Variants in MAP3K8 observed in about 807,000 individuals in gnomAD.
MAP3K8 encodes the protein Ewing sarcoma transformant.
In MAP3K8, 22 loss-of-function variants were observed where a neutral mutation model predicts 45.8. The observed-to-expected ratio is 0.48, with a 90% CI of 0.34 to 0.69. The LOEUF (loss-of-function observed/expected upper bound fraction) is 0.69. MAP3K8 is among the 30% of genes least tolerant of loss of function. MAP3K8 has a pLI of 0.01. For missense variants in MAP3K8, 419 were observed against 585.0 expected (o/e 0.72, Z 2.93); for synonymous variants, 223 against 214.3 (o/e 1.04, Z -0.36).
rs539739944 is a variant in MAP3K8 at position 30,448,653 on chromosome 10, G to A, written c.504+704G>A. Among the ~76,000 whole-genome samples the A allele has an allele frequency of 1.4e-3, 216 of 151,930 alleles. 1 individual carries two copies. Among genetic ancestry groups the A allele is most frequent in the African/African-American group, 4.2e-3 (175 of 41,412 alleles). ...TCACCATGTTGGCCAGGCTGGTCTC[G>A]AACTCCTGACTACAAGTGATCCACC... is the stretch of plus-strand genomic sequence containing the variant. On this transcript the variant is annotated intron_variant, in intron 4 of 8. Coordinates refer to ENST00000263056, the MANE Select transcript of MAP3K8 (RefSeq NM_005204.4).
intron 1 of MAP3K8, chr10:30,434,626 C>G (rs1036904872): frequency 4.1e-6 from 4 of 985,818 alleles, no homozygotes; most frequent in African/African-American, 3.5e-5. Flanking sequence ...TCCTCCTTCC[C>G]GTATCCGCAG....
rs1836546107 is a variant in MAP3K8 at position 30,451,728 on chromosome 10, A to G, written c.857A>G (p.Asp286Gly). The part of the protein sequence containing the change: ...QMTEDVYFPK[D>G]LRGTEIYMSP... ...ACCGAAGATGTCTATTTTCCTAAGG[A>G]CCTCCGAGGAACAGAGGTAATTATG... The change falls in exon 6 of 9, where the codon GAC becomes GGC. Residue 286 changes from aspartate to glycine, a missense_variant. By Grantham distance (94) the Asp-to-Gly change is moderately conservative (BLOSUM62 -1). This residue lies in a region of MAP3K8 where 209 missense variants were observed against 367.3 expected (regional missense o/e 0.57). Coordinates refer to ENST00000263056, the MANE Select transcript of MAP3K8 (RefSeq NM_005204.4). The G allele has an allele frequency of 1.3e-6, 2 of 1,572,938 alleles. No individual in the cohort carries two copies. The highest frequency in any genetic ancestry group is 1.7e-6 in the Non-Finnish European group (2 of 1,152,190).
chr10:30,454,989 G>A (rs1249346797), intron 6 of MAP3K8, among the ~76,000 whole-genome samples: 5 of 152,268 alleles, frequency 3.3e-5, no homozygotes, highest in East Asian at 3.9e-4. Context: ...TCCTGGCAAT[G>A]TGGTGAAGTT....
Position 30,458,253 on chromosome 10 carries a change from C to CCCGGGG in MAP3K8, c.1026+17_1026+18insCCGGGG. 1.7e-6 allele frequency: 1 copy of CCCGGGG among 599,130 alleles called. No individual in the cohort carries two copies. Among genetic ancestry groups the CCCGGGG allele is most frequent in the Non-Finnish European group, 2.6e-6 (1 of 387,904 alleles). The allele number at this position is 599,130 out of a possible 1,614,324, so 37.1% of individuals were successfully genotyped here. ...CTGTACATAGTAAGTGGGGTTCAAC[C>CCCGGGG]AGGGCTGGGGGCGGCGGGGGGGGGC... On this transcript the variant is annotated intron_variant, in intron 7 of 8. Coordinates refer to ENST00000263056, the MANE Select transcript of MAP3K8 (RefSeq NM_005204.4).
rs1329532399 is a variant in MAP3K8 at position 30,453,954 on chromosome 10, A to AGGAAGGAAGGAAGGAAGGAG, written c.873+2213_873+2214insAGGAAGGAAGGAAGGAGGGA. 1.4e-4 allele frequency among the ~76,000 whole-genome samples: 19 copies of AGGAAGGAAGGAAGGAAGGAG among 134,826 alleles called. 1 individual carries two copies. Among genetic ancestry groups the AGGAAGGAAGGAAGGAAGGAG allele is most frequent in the African/African-American group, 4.1e-4 (16 of 39,162 alleles). 88.5% of individuals were successfully genotyped at this position (134,826 alleles called of 152,430 possible). On this transcript the variant is annotated intron_variant, in intron 6 of 8. Transcript: ENST00000263056. Reference sequence around the variant, plus strand: ...AAGGAAGGAAGGAAGGAAGGAAGGAAGGAGAAAGAAAAAGGAAGGAAGGAA... The same window carrying AGGAAGGAAGGAAGGAAGGAG: ...AAGGAAGGAAGGAAGGAAGGAAGGAAGGAAGGAAGGAAGGAAGGAGGGAGAAAGAAAAAGGAAGGAAGGAA...
chr10:30,458,321 CT>C (rs1836820564), intron 7 of MAP3K8, 85 bp downstream of exon 7: 1 of 892,088 alleles, frequency 1.1e-6, no homozygotes, highest in Non-Finnish European at 1.6e-6. Flanking sequence ...ACTGCTCTGC[CT>C]TCTATACCAC....
intron 3 of MAP3K8, among the ~76,000 whole-genome samples, chr10:30,444,958 T>G (rs1183580053): frequency 6.6e-6 from 1 of 152,186 alleles, no homozygotes; most frequent in Non-Finnish European, 1.5e-5. Context: ...GAAATGGAGA[T>G]AAAAATAGTA....
In MAP3K8 at chr10:30,437,388, C is replaced by T. The variant is rs1382353677; in HGVS notation, c.-42C>T. 1 of 810,986 alleles carries T rather than the reference C, an allele frequency of 1.2e-6. No homozygotes were observed. The allele number at this position is 810,986 out of a possible 1,614,324, so 50.2% of individuals were successfully genotyped here. On this transcript the variant is annotated 5_prime_UTR_variant, in exon 2 of 9. Coordinates refer to ENST00000263056, the MANE Select transcript of MAP3K8 (RefSeq NM_005204.4). ...TTTATGAGCTTGAACTCTGTTAATC[C>T]TCACGACCACCTCATGAGGTAGGTG...
intron 4 of MAP3K8, 64 bp from the exon 5 acceptor site, chr10:30,450,194 T>C: frequency 1.4e-6 from 2 of 1,473,218 alleles, no homozygotes; most frequent in African/African-American, 1.4e-5. Context: ...CATTGACCTA[T>C]ATTTTATATT....
At chr10:30,441,056 A>G (rs373510293) in intron 3 of MAP3K8, among the ~76,000 whole-genome samples, 1 of 152,208 alleles carries the variant, frequency 6.6e-6, no homozygotes, top group East Asian at 1.9e-4. Flanking sequence ...AGACATTAAG[A>G]TGAGGATAAA....
intron 6 of MAP3K8, among the ~76,000 whole-genome samples, chr10:30,457,220 A>G (rs1183886667): frequency 2.0e-5 from 3 of 152,254 alleles, no homozygotes; most frequent in African/African-American, 2.4e-5. Flanking sequence ...TTTATTCAGC[A>G]TGGACTCATG....
chr10:30,459,109 G>A, intron 7 of MAP3K8, 146 bp from the exon 8 acceptor site: 1 of 787,206 alleles, frequency 1.3e-6, no homozygotes, highest in Non-Finnish European at 2.0e-6. Flanking sequence ...TTAAAGGGAA[G>A]CTTGCTTGCT....
intron 8 of MAP3K8, among the ~76,000 whole-genome samples, chr10:30,459,713 G>A (rs1252598933): frequency 6.6e-6 from 1 of 151,984 alleles, no homozygotes; most frequent in Non-Finnish European, 1.5e-5. Context: ...GATTTTCAGT[G>A]CAAGTGTAGG....
intron 7 of MAP3K8, 67 bp from the exon 8 acceptor site, chr10:30,459,188 A>T: frequency 6.3e-7 from 1 of 1,577,790 alleles, no homozygotes; most frequent in Non-Finnish European, 8.7e-7. Context: ...TCCTGGTACT[A>T]GCATGCTTTT....
intron 3 of MAP3K8, among the ~76,000 whole-genome samples, chr10:30,441,081 G>A (rs966490827): frequency 3.9e-5 from 6 of 152,154 alleles, no homozygotes; most frequent in Non-Finnish European, 7.3e-5. Flanking sequence ...TATCAGCAAA[G>A]GGTTTGAGTA....
chr10:30,444,732 T>C (rs1175762512), intron 3 of MAP3K8, among the ~76,000 whole-genome samples: 4 of 152,238 alleles, frequency 2.6e-5, no homozygotes, highest in South Asian at 2.1e-4. Flanking sequence ...TCAGAAAATA[T>C]GTAAACACAT....
At chr10:30,453,041 A>G (rs777363281) in intron 6 of MAP3K8, among the ~76,000 whole-genome samples, 2 of 152,162 alleles carry the variant, frequency 1.3e-5, no homozygotes, top group Non-Finnish European at 2.9e-5. Flanking sequence ...TTTAGCACTT[A>G]AAAAGCAGTA....
At chr10:30,439,663 G>A (rs1836033218) in intron 3 of MAP3K8, among the ~76,000 whole-genome samples, 1 of 152,080 alleles carries the variant, frequency 6.6e-6, no homozygotes, top group Non-Finnish European at 1.5e-5. Context: ...TACAAAATTA[G>A]CCTGGCATGG....
At chr10:30,448,862 G>T (rs1836439080) in intron 4 of MAP3K8, among the ~76,000 whole-genome samples, 1 of 152,148 alleles carries the variant, frequency 6.6e-6, no homozygotes, top group Non-Finnish European at 1.5e-5. Flanking sequence ...ACTCCACAGA[G>T]ACCTGTCCAC....
Sources: gnomAD v4.1 joint callset for allele counts (sites outside exome capture counted in the v4.1 genomes callset) on GRCh38, gnomAD v4.1.1 for gene constraint, gnomAD v4.1.1 regional missense constraint, MANE v1.5 for transcripts, NCBI Gene and HGNC (gene_info 2026-07-23, HGNC 2026-07-21) for gene names.